The following DHRS12 variants were observed in gnomAD, a reference collection of about 807,000 sequenced individuals.
DHRS12 encodes dehydrogenase/reductase SDR family member 12.
In DHRS12, 29 loss-of-function variants were observed where a neutral mutation model predicts 32.1. That is an observed-to-expected ratio of 0.90 (90% CI 0.67 to 1.23). The LOEUF is 1.23. Among genes scored for constraint, DHRS12 ranks in the 50% most tolerant of loss-of-function variants. DHRS12 has a pLI of 0.00. For synonymous variants in DHRS12, 150 were observed against 135.9 expected, an observed-to-expected ratio of 1.10 and a Z score of -0.72; for missense variants, 330 against 337.2, an observed-to-expected ratio of 0.98 and a Z score of 0.17.
At position 51,768,306 on chromosome 13, in the gene DHRS12, A is replaced by T. The variant is rs1188819342; in HGVS notation, c.698-10T>A. 2.0e-5 allele frequency: 30 copies of T among 1,535,530 alleles called. No homozygotes were observed. The East Asian group carries it at 7.3e-4, about 38-fold the overall frequency. On this transcript the variant is annotated splice_polypyrimidine_tract_variant and intron_variant, in intron 8 of 8. Transcript: ENST00000444610. ...GAAACTGGCTTCCGATCTAAAAGTG[A>T]GAGGGAACCGCAGAGAGGTGTGAGC...
intron 4 of DHRS12, among the ~76,000 whole-genome samples, chr13:51,785,136 G>C (rs1954894390): frequency 6.6e-6 from 1 of 152,134 alleles, no homozygotes; most frequent in South Asian, 2.1e-4. Context: ...GCTGAGGCAG[G>C]AGAATTGCTT....
intron 4 of DHRS12, among the ~76,000 whole-genome samples, chr13:51,783,877 G>T (rs1954833193): frequency 6.6e-6 from 1 of 152,182 alleles, no homozygotes; most frequent in African/African-American, 2.4e-5. Context: ...GGGAGTGCCA[G>T]TTTATCTATT....
At position 51,768,187 on chromosome 13, in the gene DHRS12, C is replaced by CTATT. The variant is rs1429928400; in HGVS notation, c.803_806dup (p.Ter269=). 4.3e-5 allele frequency: 66 copies of CTATT among 1,536,008 alleles called. No individual in the cohort carries two copies. The highest frequency in any genetic ancestry group is 5.1e-5 in the Non-Finnish European group (58 of 1,146,916). On this transcript the variant is annotated frameshift_variant and stop_retained_variant, in exon 9 of 9. Coordinates refer to ENST00000444610, the MANE Select transcript of DHRS12 (RefSeq NM_001377533.1). LOFTEE classifies it high-confidence loss of function. Reference sequence around the variant, plus strand: ...GGTACCGCACTGTGTCTGGGTTGGCCTATTTAAATGTCTGAGCCAGCTGTT... The same window carrying CTATT: ...GGTACCGCACTGTGTCTGGGTTGGCCTATTTATTTAAATGTCTGAGCCAGCTGTT...
intron 2 of DHRS12, among the ~76,000 whole-genome samples, chr13:51,796,765 G>A (rs773434495): frequency 7.9e-5 from 12 of 152,112 alleles, no homozygotes; most frequent in Non-Finnish European, 1.5e-5. Context: ...ACTGCAGCCC[G>A]CAGATCGCAG....
At chr13:51,781,540 T>A (rs907845100) in intron 4 of DHRS12, among the ~76,000 whole-genome samples, 1 of 151,912 alleles carries the variant, frequency 6.6e-6, no homozygotes, top group Non-Finnish European at 1.5e-5. Flanking sequence ...TATGGGCACA[T>A]GGGGGTGGGA....
At chr13:51,803,892 G>T in intron 1 of DHRS12, 162 bp downstream of exon 1, 1 of 551,678 alleles carries the variant, frequency 1.8e-6, no homozygotes, top group Non-Finnish European at 2.7e-6. Flanking sequence ...ACGCCCAGCC[G>T]TGGGTCGCTA....
At chr13:51,795,512 C>T (rs776520447) in intron 2 of DHRS12, among the ~76,000 whole-genome samples, 40 of 152,198 alleles carry the variant, frequency 2.6e-4, no homozygotes, top group Non-Finnish European at 2.6e-4. Flanking sequence ...ATTTCAGTAA[C>T]ATCTAACAGA....
chr13:51,773,635 G>A (rs1176194292), intron 6 of DHRS12, among the ~76,000 whole-genome samples: 1 of 152,064 alleles, frequency 6.6e-6, no homozygotes, highest in Admixed American at 6.5e-5. Flanking sequence ...CATTCCCTCT[G>A]AGCAGCACAG....
chr13:51,788,120 G>A (rs1259080044), intron 4 of DHRS12, among the ~76,000 whole-genome samples: 2 of 151,024 alleles, frequency 1.3e-5, no homozygotes, highest in Non-Finnish European at 2.9e-5. Flanking sequence ...CTCTGTGGTC[G>A]CTGCATTGAA....
chr13:51,771,981 G>C, intron 6 of DHRS12, 70 bp from the exon 7 acceptor site: 5 of 1,430,030 alleles, frequency 3.5e-6, no homozygotes, highest in Non-Finnish European at 4.9e-6. Context: ...CAGGGGATAA[G>C]CCCTGCCCAG....
downstream of DHRS12, chr13:51,763,769 G>C (rs1444288490): frequency 6.6e-6 from 1 of 152,266 alleles, no homozygotes; most frequent in Non-Finnish European, 1.5e-5. Flanking sequence ...CTGCAGTCCA[G>C]CCTGGGCAGC....
intron 2 of DHRS12, among the ~76,000 whole-genome samples, chr13:51,793,400 C>A (rs1955370768): frequency 6.6e-6 from 1 of 152,206 alleles, no homozygotes; most frequent in African/African-American, 2.4e-5. Context: ...CCGTGCCCTG[C>A]CTGAGTTTCC....
At chr13:51,765,371 A>G (rs1953715287), downstream of DHRS12, 1 of 152,206 alleles carries the variant, frequency 6.6e-6, no homozygotes, top group Non-Finnish European at 1.5e-5. Flanking sequence ...GGTTTAACAC[A>G]TGAAAGCAGT....
chr13:51,771,196 C>T lies in DHRS12; in HGVS notation c.559+625G>A, dbSNP rs536081671. 2.0e-4 allele frequency: 306 copies of T among 1,549,734 alleles called. 3 individuals are homozygous for T. The South Asian group carries it at 3.5e-3, about 18-fold the overall frequency. On this transcript the variant is annotated intron_variant, in intron 7 of 8. Coordinates refer to ENST00000444610, the MANE Select transcript of DHRS12 (RefSeq NM_001377533.1). ...ACAGCGCTGAGACCAGTTCTTGGCG[C>T]CGCGGGTGCACCCTGGGGTGTGTGC...
intron 4 of DHRS12, among the ~76,000 whole-genome samples, chr13:51,789,142 G>A (rs1955140937): frequency 6.6e-6 from 1 of 152,184 alleles, no homozygotes; most frequent in Admixed American, 6.5e-5. Context: ...GTTGGGAATA[G>A]GGTTGCTATA....
intron 7 of DHRS12, among the ~76,000 whole-genome samples, chr13:51,770,390 C>T (rs1239455506): frequency 3.9e-5 from 6 of 152,230 alleles, no homozygotes; most frequent in Middle Eastern, 3.4e-3. Flanking sequence ...TGATAGAGCC[C>T]GCTGGTGGGC....
intron 2 of DHRS12, among the ~76,000 whole-genome samples, chr13:51,798,502 T>A (rs945928216): frequency 3.3e-5 from 5 of 151,956 alleles, no homozygotes; most frequent in Non-Finnish European, 7.4e-5. Flanking sequence ...CGTTATGGAG[T>A]CTGCTTTCTT....
chr13:51,792,465 T>C (rs1366902680), intron 2 of DHRS12, among the ~76,000 whole-genome samples: 1 of 152,086 alleles, frequency 6.6e-6, no homozygotes, highest in Admixed American at 6.5e-5. Flanking sequence ...AGTGGCATGA[T>C]TTTGGCTCAC....
chr13:51,790,015 A>T lies in DHRS12; in HGVS notation c.297T>A (p.Thr99=), dbSNP rs748492432. The change falls in exon 4 of 9, where the codon ACT becomes ACA. Residue 99 remains threonine, a synonymous_variant. Coordinates refer to ENST00000444610, the MANE Select transcript of DHRS12 (RefSeq NM_001377533.1). ...AAGAAAACTTCTTGTACTTACCCAG[A>T]GTATTGGCAGCAAAGTTTTTTTCAA... is the stretch of plus-strand genomic sequence containing the variant. ...DGLEKNFAAN[T]LGVYILTTGL... 32 of 1,603,244 alleles carry T rather than the reference A, an allele frequency of 2.0e-5. No individual in the cohort carries two copies. The highest frequency in any genetic ancestry group is 2.7e-5 in the Non-Finnish European group (32 of 1,176,538).
Sources: gnomAD v4.1 joint callset for allele counts (sites outside exome capture counted in the v4.1 genomes callset) on GRCh38, gnomAD v4.1.1 for gene constraint, MANE v1.5 for transcripts, NCBI Gene and HGNC (gene_info 2026-07-23, HGNC 2026-07-21) for gene names.